The following CDC42EP3 variants were observed in gnomAD, a reference collection of about 807,000 sequenced individuals.
CDC42EP3 encodes CDC42 effector protein (Rho GTPase binding) 3.
In CDC42EP3, 4 loss-of-function variants were observed where a neutral mutation model predicts 15.5. That is an observed-to-expected ratio of 0.26 (90% CI 0.13 to 0.59). The LOEUF is 0.59. Among genes scored for constraint, CDC42EP3 ranks in the 20% least tolerant of loss-of-function variants. The pLI is 0.89. For missense variants in CDC42EP3, 309 were observed against 311.2 expected, an observed-to-expected ratio of 0.99 and a Z score of 0.05; for synonymous variants, 145 against 130.3, an observed-to-expected ratio of 1.11 and a Z score of -0.77.
chr2:37,658,700 A>G (rs1365458761), intron 1 of CDC42EP3, among the ~76,000 whole-genome samples: 1 of 152,038 alleles, frequency 6.6e-6, no homozygotes, highest in African/African-American at 2.4e-5. Context: ...CCCCGCCTCC[A>G]TCTCTACATC....
intron 1 of CDC42EP3, among the ~76,000 whole-genome samples, chr2:37,655,345 A>T (rs1452455077): frequency 1.3e-5 from 2 of 152,242 alleles, no homozygotes; most frequent in Non-Finnish European, 2.9e-5. Flanking sequence ...CAGACCCACA[A>T]ATACCATATG....
chr2:37,654,070 G>C (rs537119236), intron 1 of CDC42EP3, among the ~76,000 whole-genome samples: 30 of 152,238 alleles, frequency 2.0e-4, no homozygotes, highest in African/African-American at 6.7e-4. Context: ...AGTATCCAGC[G>C]ACTCCTCCTG....
chr2:37,653,315 G>A (rs1572512571), intron 1 of CDC42EP3, among the ~76,000 whole-genome samples: 1 of 152,252 alleles, frequency 6.6e-6, no homozygotes, highest in Admixed American at 6.5e-5. Context: ...CAAAAGGACC[G>A]GAGAGGAAGC....
In CDC42EP3 at chr2:37,651,496, T is replaced by C. The variant is rs541484375; in HGVS notation, c.-235-4674A>G. Among the ~76,000 whole-genome samples the C allele has an allele frequency of 4.6e-5, 7 of 152,222 alleles. No homozygotes were observed. The South Asian group carries it at 1.5e-3, about 32-fold the overall frequency. On this transcript the variant is annotated intron_variant, in intron 1 of 1. Coordinates refer to ENST00000295324, the MANE Select transcript of CDC42EP3 (RefSeq NM_006449.5). The stretch of plus-strand genomic sequence containing the variant: ...CTAAAAGCAGCATCTGCAATGGCAG[T>C]GTGTGGGTATATGAAGACTTCACAA...
chr2:37,646,611 T>C lies in CDC42EP3; in HGVS notation c.-24A>G. ...ATTTTGGAATTTGAGAATGTCTATT[T>C]TGCAAGCGGGAGAAAGGGCCACTTT... On this transcript the variant is annotated 5_prime_UTR_variant, in exon 2 of 2. Coordinates refer to ENST00000295324, the MANE Select transcript of CDC42EP3 (RefSeq NM_006449.5). 1 of 1,522,774 alleles carries C rather than the reference T, an allele frequency of 6.6e-7. No individual in the cohort carries two copies. 94.3% of individuals were successfully genotyped at this position (1,522,774 alleles called of 1,614,324 possible).
At position 37,645,463 on chromosome 2, in the gene CDC42EP3, C is replaced by CTA; in HGVS notation, c.*358_*359dup. The CTA allele has an allele frequency of 5.8e-6, 1 of 171,110 alleles. No homozygotes were observed. Among genetic ancestry groups the CTA allele is most frequent in the Non-Finnish European group, 1.2e-5 (1 of 80,670 alleles). The allele number at this position is 171,110 out of a possible 1,614,324, so 10.6% of individuals were successfully genotyped here. ...CTCTTGCTCAGAAAATGTCGGAGTG[C>CTA]TATAAAGTTCCGTGAAGTTCCTTAA... On this transcript the variant is annotated 3_prime_UTR_variant, in exon 2 of 2. Coordinates refer to ENST00000295324, the MANE Select transcript of CDC42EP3 (RefSeq NM_006449.5).
chr2:37,651,541 C>T (rs1414976994), intron 1 of CDC42EP3, among the ~76,000 whole-genome samples: 6 of 152,180 alleles, frequency 3.9e-5, no homozygotes. Flanking sequence ...GCCACGTCTC[C>T]CCTGACCCTG....
chr2:37,659,529 T>C (rs1303054084), intron 1 of CDC42EP3, among the ~76,000 whole-genome samples: 1 of 152,236 alleles, frequency 6.6e-6, no homozygotes, highest in East Asian at 1.9e-4. Context: ...GACATGCTGT[T>C]TGAAAGAGAT....
At position 37,642,436 on chromosome 2, in the gene CDC42EP3, C is replaced by T. The variant is rs1424916522; in HGVS notation, c.*3387G>A. 1.3e-5 allele frequency: 2 copies of T among 152,168 alleles called. No homozygotes were observed. The highest frequency in any genetic ancestry group is 2.1e-4 in the South Asian group (1 of 4,832). 9.4% of individuals were successfully genotyped at this position (152,168 alleles called of 1,614,324 possible). On this transcript the variant is annotated 3_prime_UTR_variant, in exon 2 of 2. Transcript: ENST00000295324. ...GGCTGTCTAGTGGGTGGCTTACTGA[C>T]TTGCCTAAGAAAAAATAAGTCAATC...
chr2:37,672,639 T>G (rs1346576029), upstream of CDC42EP3: 2 of 151,986 alleles, frequency 1.3e-5, no homozygotes, highest in Non-Finnish European at 2.9e-5. Context: ...CCTCCGCGAG[T>G]CGTCGGCCTG....
At chr2:37,672,631 T>A (rs192782258), upstream of CDC42EP3, 25 of 152,240 alleles carry the variant, frequency 1.6e-4, no homozygotes, top group African/African-American at 5.3e-4. Context: ...CTCTTCCTCC[T>A]CCGCGAGTCG....
chr2:37,657,725 G>C (rs1313595731), intron 1 of CDC42EP3, among the ~76,000 whole-genome samples: 2 of 152,124 alleles, frequency 1.3e-5, no homozygotes, highest in African/African-American at 4.8e-5. Context: ...CAGCTCAGTG[G>C]GGTTCTCAAC....
intron 1 of CDC42EP3, among the ~76,000 whole-genome samples, chr2:37,654,839 A>G (rs1665798277): frequency 6.6e-6 from 1 of 152,172 alleles, no homozygotes; most frequent in Non-Finnish European, 1.5e-5. Flanking sequence ...ATATTACTAC[A>G]ATGTGGACGC....
At chr2:37,670,317 G>A (rs535205351) in intron 1 of CDC42EP3, among the ~76,000 whole-genome samples, 10 of 152,208 alleles carry the variant, frequency 6.6e-5, no homozygotes, top group Admixed American at 2.0e-4. Flanking sequence ...TAAGAGCTGG[G>A]AGATGGGGAT....
chr2:37,646,514 A>G lies in CDC42EP3; in HGVS notation c.74T>C (p.Ile25Thr), dbSNP rs1357693187. ...KKGKKFKLRD[I>T]LSPDMISPPL... ...GGGACTGATCATATCAGGAGACAGA[A>G]TGTCCCTCAGTTTAAATTTCTTTCC... The change falls in exon 2 of 2, where the codon ATT becomes ACT. Residue 25 changes from isoleucine to threonine, a missense_variant. By Grantham distance (89) the Ile-to-Thr change is moderately conservative. Transcript: ENST00000295324. The G allele has an allele frequency of 6.3e-7, 1 of 1,595,500 alleles. No homozygotes were observed. The highest frequency in any genetic ancestry group is 1.8e-5 in the Admixed American group (1 of 54,278).
intron 1 of CDC42EP3, among the ~76,000 whole-genome samples, chr2:37,666,029 G>C (rs1454297627): frequency 6.6e-6 from 1 of 152,188 alleles, no homozygotes; most frequent in African/African-American, 2.4e-5. Flanking sequence ...CACCCCTTTT[G>C]ATTGCCCTCA....
At chr2:37,651,634 G>A (rs1365799147) in intron 1 of CDC42EP3, among the ~76,000 whole-genome samples, 1 of 152,218 alleles carries the variant, frequency 6.6e-6, no homozygotes, top group Non-Finnish European at 1.5e-5. Context: ...TAAAAGGGAA[G>A]AGATCTCAGA....
rs1003881122 is a variant in CDC42EP3 at position 37,646,685 on chromosome 2, C to T, written c.-98G>A. The T allele has an allele frequency of 8.4e-7, 1 of 1,190,566 alleles. No individual in the cohort carries two copies. The highest frequency in any genetic ancestry group is 1.2e-6 in the Non-Finnish European group (1 of 848,718). The allele number at this position is 1,190,566 out of a possible 1,614,324, so 73.8% of individuals were successfully genotyped here. On this transcript the variant is annotated 5_prime_UTR_variant, in exon 2 of 2. In the 5' UTR this introduces an upstream ATG that the reference lacks. Coordinates refer to ENST00000295324, the MANE Select transcript of CDC42EP3 (RefSeq NM_006449.5). Reference sequence around the variant, plus strand: ...GAATCCTTTTTGATAGGAACTGTCACATCATTTTTCTCAAGTGGCTTCAGA... The same window carrying T: ...GAATCCTTTTTGATAGGAACTGTCATATCATTTTTCTCAAGTGGCTTCAGA...
intron 1 of CDC42EP3, among the ~76,000 whole-genome samples, chr2:37,670,731 A>T (rs1666387791): frequency 6.6e-6 from 1 of 152,168 alleles, no homozygotes; most frequent in Non-Finnish European, 1.5e-5. Flanking sequence ...CTTTCTATTT[A>T]TAAGATGAAA....
Sources: gnomAD v4.1 joint callset for allele counts (sites outside exome capture counted in the v4.1 genomes callset) on GRCh38, gnomAD v4.1.1 for gene constraint, MANE v1.5 for transcripts, NCBI Gene and HGNC (gene_info 2026-07-23, HGNC 2026-07-21) for gene names.